The following LAMA4 variants were observed in gnomAD, a reference collection of about 807,000 sequenced individuals.
LAMA4 encodes the protein laminin subunit alpha-4.
A neutral mutation model predicts 207.1 loss-of-function variants in LAMA4; 127 were observed. That is an observed-to-expected ratio of 0.61 (90% CI 0.53 to 0.71). The LOEUF is 0.71. LAMA4 is among the 30% of genes least tolerant of loss of function. LAMA4 has a pLI of 0.00. For synonymous variants in LAMA4, 761 were observed against 816.0 expected (o/e 0.93, Z 1.15); for missense variants, 2,093 against 2,246.5 (o/e 0.93, Z 1.38).
chr6:112,245,918 A>G (rs1194429113), intron 2 of LAMA4, among the ~76,000 whole-genome samples: 1 of 152,064 alleles, frequency 6.6e-6, no homozygotes, highest in African/African-American at 2.4e-5. Context: ...TTTTTTCTTT[A>G]TGGAGAGGAT....
chr6:112,226,950 A>G (rs890834032), intron 2 of LAMA4, among the ~76,000 whole-genome samples: 6 of 152,294 alleles, frequency 3.9e-5, no homozygotes, highest in Non-Finnish European at 5.9e-5. Context: ...AAAGAAAAGT[A>G]TGAAGAAAGA....
chr6:112,139,710 G>T (rs1452637676), intron 23 of LAMA4, 42 bp downstream of exon 23: 1 of 1,607,036 alleles, frequency 6.2e-7, no homozygotes, highest in African/African-American at 1.3e-5. Context: ...TGCTGCTCTT[G>T]CATGAATATC....
rs1308560198 is a variant in LAMA4 at position 112,142,023 on chromosome 6, T to G, written c.2667+96A>C. On this transcript the variant is annotated intron_variant, in intron 20 of 38. Coordinates refer to ENST00000230538, the MANE Select transcript of LAMA4 (RefSeq NM_001105206.3). Reference sequence around the variant, plus strand: ...TTCTGAGTTACCAGAATGGGCATTGTTTTGGTTTGTTTGCCTAGGTGGCTT... The same window carrying G: ...TTCTGAGTTACCAGAATGGGCATTGGTTTGGTTTGTTTGCCTAGGTGGCTT... The G allele has an allele frequency of 5.4e-5, 66 of 1,228,526 alleles. No homozygotes were observed. In the South Asian group the frequency reaches 7.8e-4, roughly 15 times the overall value. The allele number at this position is 1,228,526 out of a possible 1,614,324, so 76.1% of individuals were successfully genotyped here. A position where few individuals can be genotyped will look rare whatever the true frequency, so the allele number is the denominator to read the frequency against.
rs1279945995 is a variant in LAMA4, at chr6:112,108,189, G to A, written c.*1248C>T. Among the ~76,000 whole-genome samples the A allele has an allele frequency of 6.6e-6, 1 of 151,860 alleles. No individual in the cohort carries two copies. Among genetic ancestry groups the A allele is most frequent in the Non-Finnish European group, 1.5e-5 (1 of 67,982 alleles). On this transcript the variant is annotated 3_prime_UTR_variant, in exon 39 of 39. Transcript: ENST00000230538. Reference sequence around the variant, plus strand: ...TATTTTATATCCTCTCCCCTCAAAAGTTACTCCTTTTATGTATTGTTAATT... The same window carrying A: ...TATTTTATATCCTCTCCCCTCAAAAATTACTCCTTTTATGTATTGTTAATT...
intron 12 of LAMA4, 58 bp from the exon 13 acceptor site, chr6:112,165,334 G>C: frequency 8.9e-7 from 1 of 1,123,054 alleles, no homozygotes; most frequent in Non-Finnish European, 1.4e-6. Flanking sequence ...GAAAGCGTTG[G>C]GGAGAGCAGT....
intron 27 of LAMA4, 150 bp from the exon 28 acceptor site, chr6:112,133,040 C>T (rs1779133004): frequency 4.8e-6 from 4 of 832,686 alleles, no homozygotes; most frequent in South Asian, 1.6e-5. Flanking sequence ...TTCAGGCATA[C>T]ACTAGGAGCT....
In LAMA4 at chr6:112,127,624, C is replaced by CG. The variant is rs113564074; in HGVS notation, c.4287+1297dup. ...CTTGGGCTTTTACTCGGAGTGTAGT[C>CG]GGGGGGCCATTTGAGCACAGTAGTG... On this transcript the variant is annotated intron_variant, in intron 31 of 38. Coordinates refer to ENST00000230538, the MANE Select transcript of LAMA4 (RefSeq NM_001105206.3). 5.3e-3 allele frequency among the ~76,000 whole-genome samples: 799 copies of CG among 151,906 alleles called. 9 individuals are homozygous for CG. The highest frequency in any genetic ancestry group is 0.019 in the African/African-American group (771 of 41,406).
chr6:112,190,955 T>TCTTTCTTTCTTTC (rs1562714951), intron 6 of LAMA4, among the ~76,000 whole-genome samples: 28 of 122,574 alleles, frequency 2.3e-4, no homozygotes, highest in African/African-American at 7.3e-4. Context: ...TTCCTTTCTT[T>TCTTTCTTTCTTTC]CTTTCTTTCT....
intron 6 of LAMA4, among the ~76,000 whole-genome samples, chr6:112,190,931 CT>C (rs1352854601): frequency 1.3e-5 from 1 of 79,346 alleles, no homozygotes; most frequent in Non-Finnish European, 2.4e-5. Context: ...TTCTTTCTTT[CT>C]TTCTTTCTTT....
intron 18 of LAMA4, 45 bp downstream of exon 18, chr6:112,148,112 C>A (rs1554334924): frequency 1.3e-6 from 2 of 1,562,402 alleles, no homozygotes; most frequent in East Asian, 4.5e-5. Flanking sequence ...AGTTTAATGG[C>A]CAATTCCTTA....
intron 30 of LAMA4, 129 bp from the exon 31 acceptor site, chr6:112,129,204 ATG>A: frequency 2.9e-6 from 2 of 693,780 alleles, no homozygotes; most frequent in Non-Finnish European, 4.9e-6. Context: ...GTGTGTGTGT[ATG>A]TGTGATGGGT....
rs1192014943 is a variant in LAMA4 at position 112,117,239 on chromosome 6, C to G, written c.4981+500G>C. 6.6e-6 allele frequency among the ~76,000 whole-genome samples: 1 copy of G among 152,104 alleles called. No homozygotes were observed. Among genetic ancestry groups the G allele is most frequent in the Non-Finnish European group, 1.5e-5 (1 of 68,024 alleles). The stretch of plus-strand genomic sequence containing the variant: ...TCCCATCATCTGGCATAGGGACTGC[C>G]TTATGGGAGGCATACAATAAAAACT... On this transcript the variant is annotated intron_variant, in intron 35 of 38. Coordinates refer to ENST00000230538, the MANE Select transcript of LAMA4 (RefSeq NM_001105206.3). This position sits in a 1 kb window ranked among gnomAD's most constrained non-coding sequence, Gnocchi z 4.5.
rs59700559 is a variant in LAMA4 at position 112,130,300 on chromosome 6, T to TGTGTGTGTG, written c.3969-261_3969-260insCACACACAC. 300 of 382,212 alleles carry TGTGTGTGTG rather than the reference T, an allele frequency of 7.8e-4. 2 individuals carry two copies. The highest frequency in any genetic ancestry group is 5.8e-3 in the African/African-American group (271 of 46,770). The allele number at this position is 382,212 out of a possible 1,614,324, so 23.7% of individuals were successfully genotyped here. On this transcript the variant is annotated intron_variant, in intron 29 of 38. Transcript: ENST00000230538. ...AGATGACTAGTCATCAGCATTATTT[T>TGTGTGTGTG]TGTGTGTGTGTGTGTGTGTGTGTGT... is the stretch of plus-strand genomic sequence containing the variant.
chr6:112,204,816 T>C lies in LAMA4; in HGVS notation c.422+2205A>G, dbSNP rs187626613. Among the ~76,000 whole-genome samples the C allele has an allele frequency of 8.8e-4, 134 of 152,320 alleles. 1 individual carries two copies. Among genetic ancestry groups the C allele is most frequent in the Middle Eastern group, 6.8e-3 (2 of 294 alleles). ...TGAGTACCATCCCTTTTGCACATGTTATTAATACTATCATACATGAAAAAT... is the reference window on the plus strand; with the variant it reads ...TGAGTACCATCCCTTTTGCACATGTCATTAATACTATCATACATGAAAAAT... On this transcript the variant is annotated intron_variant, in intron 4 of 38. Transcript: ENST00000230538.
intron 2 of LAMA4, among the ~76,000 whole-genome samples, chr6:112,241,148 T>TGAATATATAG (rs1786432283): frequency 2.0e-5 from 2 of 99,630 alleles, no homozygotes; most frequent in Non-Finnish European, 4.5e-5. Context: ...AATATATATA[T>TGAATATATAG]GAATATATAT....
At chr6:112,169,897 G>T (rs1781612967) in intron 12 of LAMA4, among the ~76,000 whole-genome samples, 1 of 152,202 alleles carries the variant, frequency 6.6e-6, no homozygotes, top group Non-Finnish European at 1.5e-5. Flanking sequence ...CATTTACAAA[G>T]TCCACTGTGT....
rs896526761 is a variant in LAMA4, at chr6:112,130,095, C to A, written c.3969-55G>T. ...CACAGAGCTAGCATTTTACCTTGACCCACTCTAGGTTGGATAAGCAGGTTT... is the reference window on the plus strand; with the variant it reads ...CACAGAGCTAGCATTTTACCTTGACACACTCTAGGTTGGATAAGCAGGTTT... On this transcript the variant is annotated intron_variant, in intron 29 of 38. Coordinates refer to ENST00000230538, the MANE Select transcript of LAMA4 (RefSeq NM_001105206.3). 6.5e-5 allele frequency: 95 copies of A among 1,470,688 alleles called. 3 individuals carry two copies. The South Asian group carries it at 6.6e-4, about 10-fold the overall frequency. The allele number at this position is 1,470,688 out of a possible 1,614,324, so 91.1% of individuals were successfully genotyped here. A position where few individuals can be genotyped will look rare whatever the true frequency, so the allele number is the denominator to read the frequency against.
At chr6:112,198,226 T>G (rs559526662) in intron 5 of LAMA4, among the ~76,000 whole-genome samples, 1 of 152,232 alleles carries the variant, frequency 6.6e-6, no homozygotes, top group Admixed American at 6.5e-5. Context: ...TGGGGAGGGC[T>G]CAGGAATCCA....
chr6:112,184,399 G>C (rs1370001721), intron 9 of LAMA4, among the ~76,000 whole-genome samples: 2 of 151,620 alleles, frequency 1.3e-5, no homozygotes, highest in Non-Finnish European at 2.9e-5. Flanking sequence ...TGTAAAATTA[G>C]TATAGCACAT....
Sources: gnomAD v4.1 joint callset for allele counts (sites outside exome capture counted in the v4.1 genomes callset) on GRCh38, gnomAD v4.1.1 for gene constraint, Gnocchi (gnomAD v3.1) non-coding constraint, MANE v1.5 for transcripts, NCBI Gene and HGNC (gene_info 2026-07-23, HGNC 2026-07-21) for gene names.